Variants in DHRSX observed in about 807,000 individuals in gnomAD.
The protein encoded by DHRSX is polyprenol dehydrogenase.
A neutral mutation model predicts 34.0 loss-of-function variants in DHRSX; 31 were observed. The ratio of observed to expected loss-of-function variants is 0.91; its 90% CI spans 0.69 to 1.23. DHRSX has a LOEUF of 1.23. DHRSX is among the 50% of genes most tolerant of loss of function. DHRSX has a pLI of 0.00. For missense variants in DHRSX, 414 were observed against 428.1 expected (o/e 0.97, Z 0.29); for synonymous variants, 201 against 183.8 (o/e 1.09, Z -0.76).
intron 4 of DHRSX, among the ~76,000 whole-genome samples, chrX:2,269,566 C>A (rs1389864785): frequency 2.6e-5 from 4 of 152,056 alleles, no homozygotes; most frequent in Non-Finnish European, 5.9e-5. Context: ...GGAGGAGTTT[C>A]GCTCTTGTCG....
chrX:2,472,774 T>A (rs2044613034), intron 1 of DHRSX, among the ~76,000 whole-genome samples: 1 of 152,000 alleles, frequency 6.6e-6, no homozygotes, highest in African/African-American at 2.4e-5. Flanking sequence ...ATCTCAAAAA[T>A]AAATAAATAA....
chrX:2,484,053 A>G (rs1738945988), intron 1 of DHRSX, among the ~76,000 whole-genome samples: 2 of 152,134 alleles, frequency 1.3e-5, no homozygotes, highest in Non-Finnish European at 2.9e-5. Flanking sequence ...TTAGCTCACT[A>G]CAACCTCCGC....
chrX:2,426,532 TTCC>T (rs1208501148), intron 1 of DHRSX, among the ~76,000 whole-genome samples: 1 of 143,734 alleles, frequency 7.0e-6, no homozygotes, highest in Non-Finnish European at 1.5e-5. Flanking sequence ...TTTTCCTTCC[TTCC>T]TCCTTCCTTC....
At chrX:2,308,899 A>AGGAAGGAAG (rs71914744) in intron 3 of DHRSX, among the ~76,000 whole-genome samples, 260 of 145,438 alleles carry the variant, frequency 1.8e-3, no homozygotes, top group African/African-American at 2.8e-3. Context: ...GAAGGAAGGA[A>AGGAAGGAAG]GAAGGAGAAA....
intron 1 of DHRSX, chrX:2,488,587 T>A (rs752527455): frequency 1.3e-6 from 2 of 1,535,492 alleles, no homozygotes; most frequent in Admixed American, 2.1e-5. Context: ...CAGCAAAGCA[T>A]CCAATGGGCT....
At chrX:2,359,416 G>A (rs1393285040) in intron 3 of DHRSX, among the ~76,000 whole-genome samples, 5 of 152,144 alleles carry the variant, frequency 3.3e-5, no homozygotes, top group African/African-American at 7.2e-5. Context: ...GGTGGCTCAC[G>A]CCTGTAATTC....
At chrX:2,290,692 C>T (rs1203181677) in intron 4 of DHRSX, among the ~76,000 whole-genome samples, 2 of 152,150 alleles carry the variant, frequency 1.3e-5, no homozygotes, top group Non-Finnish European at 2.9e-5. Flanking sequence ...CATTTGGTCT[C>T]CATCTGTGAA....
At chrX:2,277,419 T>G in intron 4 of DHRSX, among the ~76,000 whole-genome samples, 1 of 39,140 alleles carries the variant, frequency 2.6e-5, no homozygotes. Flanking sequence ...GGGGAGGAAA[T>G]AGGGGAAAGA....
At chrX:2,400,888 A>G (rs2043477163) in intron 3 of DHRSX, among the ~76,000 whole-genome samples, 1 of 152,190 alleles carries the variant, frequency 6.6e-6, no homozygotes, top group South Asian at 2.1e-4. Flanking sequence ...GGCCAAAATG[A>G]TGGTTCACAA....
At chrX:2,455,258 A>T (rs1366654193) in intron 1 of DHRSX, among the ~76,000 whole-genome samples, 1 of 151,910 alleles carries the variant, frequency 6.6e-6, no homozygotes, top group Non-Finnish European at 1.5e-5. Flanking sequence ...GTACCCGTGG[A>T]TATAAAGAAG....
At chrX:2,391,451 A>C (rs1603040971) in intron 3 of DHRSX, among the ~76,000 whole-genome samples, 1 of 152,206 alleles carries the variant, frequency 6.6e-6, no homozygotes, top group Non-Finnish European at 1.5e-5. Flanking sequence ...AGACGCAGCC[A>C]AGAGCCCTTT....
intron 1 of DHRSX, among the ~76,000 whole-genome samples, chrX:2,459,290 A>G (rs2044360669): frequency 6.6e-6 from 1 of 152,048 alleles, no homozygotes; most frequent in South Asian, 2.1e-4. Context: ...CTCATCACCA[A>G]AAAAACGAAG....
rs778146982 is a variant in DHRSX at position 2,479,225 on chromosome X, T to C, written c.109+21592A>G. On this transcript the variant is annotated intron_variant, in intron 1 of 6. Coordinates refer to ENST00000334651, the MANE Select transcript of DHRSX (RefSeq NM_145177.3). ...ACTCCCACCCTGTGCACACTGAAGA[T>C]GATCCCTAAGCATGTGGCTAAGGGA... Among the ~76,000 whole-genome samples the C allele has an allele frequency of 2.1e-5, 3 of 143,954 alleles. No homozygotes were observed. In the East Asian group the frequency reaches 6.6e-4, roughly 32 times the overall value. 94.4% of individuals were successfully genotyped at this position (143,954 alleles called of 152,430 possible).
chrX:2,486,871 T>C (rs1476531101), intron 1 of DHRSX: 2 of 152,268 alleles, frequency 1.3e-5, no homozygotes, highest in African/African-American at 4.8e-5. Context: ...CATTCTGTGC[T>C]GCTTGCAGCC....
intron 3 of DHRSX, among the ~76,000 whole-genome samples, chrX:2,397,513 G>A (rs1569497089): frequency 6.6e-6 from 1 of 151,956 alleles, no homozygotes; most frequent in Non-Finnish European, 1.5e-5. Flanking sequence ...GTGCTCTGGT[G>A]GGAGAAGAGC....
At position 2,420,231 on chromosome X, in the gene DHRSX, A is replaced by AC. The variant is rs746412813; in HGVS notation, c.217+4965dup. 5.0e-4 allele frequency among the ~76,000 whole-genome samples: 75 copies of AC among 150,064 alleles called. No individual in the cohort carries two copies. In the South Asian group the frequency reaches 0.012, roughly 24 times the overall value. ...AGACCATCCTGACCTACATGGTGAA[A>AC]CCCCCCCTCTACTAAAAATACAAAA... On this transcript the variant is annotated intron_variant, in intron 2 of 6. Transcript: ENST00000334651.
intron 3 of DHRSX, among the ~76,000 whole-genome samples, chrX:2,370,854 T>C (rs953109950): frequency 1.3e-5 from 2 of 152,156 alleles, no homozygotes; most frequent in Non-Finnish European, 2.9e-5. Context: ...AACGCTTCCT[T>C]AGGACCTGCT....
chrX:2,380,860 C>CT (rs1466032651), intron 3 of DHRSX, among the ~76,000 whole-genome samples: 1 of 152,006 alleles, frequency 6.6e-6, no homozygotes, highest in African/African-American at 2.4e-5. Flanking sequence ...TTTGCTTTTG[C>CT]TTTTTTGTTT....
intron 3 of DHRSX, among the ~76,000 whole-genome samples, chrX:2,378,079 G>A (rs2043162566): frequency 6.6e-6 from 1 of 152,206 alleles, no homozygotes; most frequent in Admixed American, 6.5e-5. Flanking sequence ...CTTATTCTTT[G>A]TGTCTGGTGC....
Sources: allele counts gnomAD v4.1 joint callset (sites outside exome capture counted in the v4.1 genomes callset), GRCh38; gene constraint gnomAD v4.1.1; transcripts MANE v1.5; gene names NCBI Gene and HGNC (gene_info 2026-07-23, HGNC 2026-07-21).